Variants in GABPB2 observed in about 807,000 individuals in gnomAD.
GABPB2 encodes GA binding protein transcription factor subunit beta 2.
GABPB2 carries 23 observed loss-of-function variants against 39.1 expected under a neutral mutation model. That is an observed-to-expected ratio of 0.59 (90% confidence interval 0.42 to 0.83). The LOEUF is 0.83. GABPB2 is among the 40% of genes least tolerant of loss of function. The probability of loss-of-function intolerance (pLI) is 0.00; values close to 1 mark genes in which losing one functional copy is unlikely to be tolerated. For synonymous variants in GABPB2, 184 were observed against 199.3 expected (o/e 0.92, Z 0.65); for missense variants, 467 against 541.1 (o/e 0.86, Z 1.36).
chr1:151,099,074 A>C (rs926435525), intron 5 of GABPB2, among the ~76,000 whole-genome samples: 4 of 120,628 alleles, frequency 3.3e-5, no homozygotes, highest in African/African-American at 1.2e-4. Flanking sequence ...ACAAGAGTGA[A>C]ACTTCATCTC....
rs1325003456 is a variant in GABPB2 at position 151,121,682 on chromosome 1, C to A, written c.*3426C>A. The A allele has an allele frequency of 6.6e-6, 1 of 152,168 alleles. No homozygotes were observed. Among genetic ancestry groups the A allele is most frequent in the Non-Finnish European group, 1.5e-5 (1 of 68,060 alleles). The allele number at this position is 152,168 out of a possible 1,614,324, so 9.4% of individuals were successfully genotyped here. A position where few individuals can be genotyped will look rare whatever the true frequency, so the allele number is the denominator to read the frequency against. Reference sequence around the variant, plus strand: ...TGAACTCCTGACCTCAGGTGATCCACCTGTCTCGACCTCCCAAAGTGCTGG... The same window carrying A: ...TGAACTCCTGACCTCAGGTGATCCAACTGTCTCGACCTCCCAAAGTGCTGG... On this transcript the variant is annotated 3_prime_UTR_variant, in exon 9 of 9. Coordinates refer to ENST00000368918, the MANE Select transcript of GABPB2 (RefSeq NM_144618.3).
chr1:151,088,248 A>T lies in GABPB2; in HGVS notation c.59A>T (p.Asp20Val), dbSNP rs1678369195. 1 of 1,613,966 alleles carries T rather than the reference A, an allele frequency of 6.2e-7. No individual in the cohort carries two copies. Among genetic ancestry groups the T allele is most frequent in the African/African-American group, 1.3e-5 (1 of 74,924 alleles). ...GAAGCAGCAAGAAAAGGCCAAGATG[A>T]TGAAGTGAGAACGTTGATGGCAAAT... ...LLEAARKGQDDEVRTLMANGA... is the reference protein window; with the variant it reads ...LLEAARKGQDVEVRTLMANGA... Residue 20 changes from aspartate to valine, a missense_variant, in exon 2 of 9, where the codon GAT becomes GTT. Coordinates refer to ENST00000368918, the MANE Select transcript of GABPB2 (RefSeq NM_144618.3).
intron 3 of GABPB2, among the ~76,000 whole-genome samples, chr1:151,092,619 T>A (rs1678813507): frequency 6.7e-6 from 1 of 148,994 alleles, no homozygotes; most frequent in South Asian, 2.1e-4. Flanking sequence ...GACGGTGGTC[T>A]CACTCTGTCA....
intron 6 of GABPB2, 149 bp downstream of exon 6, chr1:151,103,824 G>A: frequency 1.7e-6 from 1 of 590,368 alleles, no homozygotes; most frequent in African/African-American, 1.9e-5. Flanking sequence ...TTGAACATCA[G>A]AAAGAAAAAT....
At chr1:151,088,349 A>C in intron 2 of GABPB2, 52 bp downstream of exon 2, 1 of 1,475,390 alleles carries the variant, frequency 6.8e-7, no homozygotes, top group Non-Finnish European at 9.3e-7. Flanking sequence ...GCTTTTACCA[A>C]CATTTTTCTT....
chr1:151,081,725 C>G (rs1417874132), intron 1 of GABPB2, among the ~76,000 whole-genome samples: 2 of 151,976 alleles, frequency 1.3e-5, no homozygotes, highest in African/African-American at 4.8e-5. Flanking sequence ...ACCACCACCT[C>G]CCAGGTTCAA....
chr1:151,100,375 G>C (rs113292195), intron 5 of GABPB2, among the ~76,000 whole-genome samples: 3,686 of 150,562 alleles, frequency 0.024, 106 homozygotes, highest in African/African-American at 0.074. Context: ...GAACTCCTGA[G>C]CTTGTGATCC....
chr1:151,073,513 C>A (rs1215421784), intron 1 of GABPB2, among the ~76,000 whole-genome samples: 1 of 152,190 alleles, frequency 6.6e-6, no homozygotes, highest in Non-Finnish European at 1.5e-5. Flanking sequence ...CTGCCAGAAC[C>A]AGCATGGACA....
At chr1:151,077,425 C>T (rs990848434) in intron 1 of GABPB2, among the ~76,000 whole-genome samples, 14 of 146,126 alleles carry the variant, frequency 9.6e-5, no homozygotes, top group Non-Finnish European at 1.6e-4. Context: ...GGCGCAATCT[C>T]GGCTCACTGC....
chr1:151,072,993 A>G (rs953014392), intron 1 of GABPB2: 1 of 151,936 alleles, frequency 6.6e-6, no homozygotes, highest in African/African-American at 2.4e-5. Flanking sequence ...CCCTATTGAC[A>G]TATATTTAGG....
chr1:151,087,863 A>G (rs779264972), intron 1 of GABPB2, among the ~76,000 whole-genome samples: 2 of 152,144 alleles, frequency 1.3e-5, no homozygotes, highest in Non-Finnish European at 2.9e-5. Context: ...GTTCCTTAAA[A>G]TAATATTGTA....
In GABPB2 at chr1:151,104,844, T is replaced by C. The variant is rs200722371; in HGVS notation, c.736+1169T>C. Reference sequence around the variant, plus strand: ...CTTTCTTTCTTTCTCTTCTCTCTCTTTCTTTCTTTCTTTCTCCTTCCCTCC... The same window carrying C: ...CTTTCTTTCTTTCTCTTCTCTCTCTCTCTTTCTTTCTTTCTCCTTCCCTCC... On this transcript the variant is annotated intron_variant, in intron 6 of 8. Coordinates refer to ENST00000368918, the MANE Select transcript of GABPB2 (RefSeq NM_144618.3). 3.7e-4 allele frequency among the ~76,000 whole-genome samples: 51 copies of C among 139,128 alleles called. No individual in the cohort carries two copies. The East Asian group carries it at 3.9e-3, about 11-fold the overall frequency. The allele number at this position is 139,128 out of a possible 152,430, so 91.3% of individuals were successfully genotyped here. A position where few individuals can be genotyped will look rare whatever the true frequency, so the allele number is the denominator to read the frequency against.
rs997336909 is a variant in GABPB2, at chr1:151,124,145, ATTTT to A, written c.*5895_*5898del. The A allele has an allele frequency of 7.1e-6, 1 of 140,408 alleles. No individual in the cohort carries two copies. The highest frequency in any genetic ancestry group is 2.6e-5 in the African/African-American group (1 of 38,926). 8.7% of individuals were successfully genotyped at this position (140,408 alleles called of 1,614,324 possible). ...AAAAGAAATATCAGTTTGAGAAATG[ATTTT>A]TTTTTCTTTTTTCTTTTCTTTTTTT... On this transcript the variant is annotated 3_prime_UTR_variant, in exon 9 of 9. Coordinates refer to ENST00000368918, the MANE Select transcript of GABPB2 (RefSeq NM_144618.3).
At chr1:151,092,215 T>A (rs1316545092) in intron 3 of GABPB2, among the ~76,000 whole-genome samples, 1 of 146,974 alleles carries the variant, frequency 6.8e-6, no homozygotes, top group African/African-American at 2.5e-5. Context: ...CAAGCGATTC[T>A]CCTGCCTCAG....
chr1:151,115,352 C>T (rs982149168), intron 7 of GABPB2, among the ~76,000 whole-genome samples: 1 of 151,728 alleles, frequency 6.6e-6, no homozygotes, highest in South Asian at 2.1e-4. Flanking sequence ...GAATGAAACT[C>T]CGTCTCAAAA....
At chr1:151,098,398 A>C (rs1679266543) in intron 5 of GABPB2, among the ~76,000 whole-genome samples, 1 of 151,694 alleles carries the variant, frequency 6.6e-6, no homozygotes, top group Non-Finnish European at 1.5e-5. Flanking sequence ...GCTACTCAGG[A>C]GGCTGACATG....
chr1:151,125,021 A>G lies in GABPB2; in HGVS notation c.*6765A>G. The G allele has an allele frequency of 6.8e-6, 1 of 146,880 alleles. No homozygotes were observed. Among genetic ancestry groups the G allele is most frequent in the East Asian group, 1.9e-4 (1 of 5,172 alleles). 9.1% of individuals were successfully genotyped at this position (146,880 alleles called of 1,614,324 possible). A position where few individuals can be genotyped will look rare whatever the true frequency, so the allele number is the denominator to read the frequency against. On this transcript the variant is annotated 3_prime_UTR_variant, in exon 9 of 9. Transcript: ENST00000368918. ...TCATTGAGGCTTTCCCAGGCATTCG[A>G]ATTTAGTTAGTAGGTCATTTCTAAT...
intron 4 of GABPB2, among the ~76,000 whole-genome samples, chr1:151,096,125 G>A (rs1027282162): frequency 1.3e-5 from 2 of 151,028 alleles, no homozygotes; most frequent in Admixed American, 6.6e-5. Context: ...AATTATATAT[G>A]AAAAACAGTC....
chr1:151,081,636 A>AT (rs775423874), intron 1 of GABPB2, among the ~76,000 whole-genome samples: 2 of 150,822 alleles, frequency 1.3e-5, no homozygotes, highest in African/African-American at 4.9e-5. Context: ...TCTCATTATT[A>AT]TTTATTTTTT....
Sources: gnomAD v4.1 joint callset for allele counts (sites outside exome capture counted in the v4.1 genomes callset) on GRCh38, gnomAD v4.1.1 for gene constraint, MANE v1.5 for transcripts, NCBI Gene and HGNC (gene_info 2026-07-23, HGNC 2026-07-21) for gene names.